Variants in ACOT7 observed in about 807,000 individuals in gnomAD.
The protein encoded by ACOT7 is cytosolic acyl coenzyme A thioester hydrolase.
A neutral mutation model predicts 40.2 loss-of-function variants in ACOT7; 12 were observed. The ratio of observed to expected loss-of-function variants is 0.30; its 90% CI spans 0.19 to 0.48. The LOEUF is 0.48. ACOT7 is among the 20% of genes least tolerant of loss of function. ACOT7 has a pLI of 0.99. For synonymous variants in ACOT7, 228 were observed against 219.5 expected, an observed-to-expected ratio of 1.04 and a Z score of -0.34; for missense variants, 395 against 530.8, an observed-to-expected ratio of 0.74 and a Z score of 2.51.
rs905654622 is a variant in ACOT7, at chr1:6,338,482, C to T, written c.418+951G>A. Among the ~76,000 whole-genome samples, 3 of 152,216 alleles carry T rather than the reference C, an allele frequency of 2.0e-5. No homozygotes were observed. The highest frequency in any genetic ancestry group is 7.2e-5 in the African/African-American group (3 of 41,458). ...CTGAGGGAGCAGCAGGCAATGGGAA[C>T]GCAGACCACCTTCCACCCCAGGCCC... On this transcript the variant is annotated intron_variant, in intron 3 of 8. Transcript: ENST00000361521. This position sits in a 1 kb window ranked among gnomAD's most constrained non-coding sequence, Gnocchi z 4.4.
At chr1:6,276,993 C>T (rs879723631) in intron 8 of ACOT7, among the ~76,000 whole-genome samples, 5 of 152,046 alleles carry the variant, frequency 3.3e-5, no homozygotes, top group Non-Finnish European at 4.4e-5. Flanking sequence ...TCTGACCACC[C>T]CCCCCCAGGG....
At chr1:6,363,715 T>A (rs1335071734) in intron 1 of ACOT7, among the ~76,000 whole-genome samples, 1 of 152,060 alleles carries the variant, frequency 6.6e-6, no homozygotes, top group Non-Finnish European at 1.5e-5. Flanking sequence ...TGATTCACAC[T>A]CTTTACCCCT....
Position 6,299,707 on chromosome 1 carries a change from G to A in ACOT7, c.713-4727C>T, listed in dbSNP as rs758057668. Among the ~76,000 whole-genome samples, 42 of 152,128 alleles carry A rather than the reference G, an allele frequency of 2.8e-4. No homozygotes were observed. The highest frequency in any genetic ancestry group is 5.4e-4 in the Non-Finnish European group (37 of 68,004). On this transcript the variant is annotated intron_variant, in intron 6 of 8. Transcript: ENST00000361521. The surrounding 1 kb of genome is among the most constrained non-coding windows in gnomAD (Gnocchi z 4.1). Reference sequence around the variant, plus strand: ...GTGTGTGTGTAGGGCACGTGTGTGCGTGTGTTTAAGGGGCTTAGTAGCGGC... The same window carrying A: ...GTGTGTGTGTAGGGCACGTGTGTGCATGTGTTTAAGGGGCTTAGTAGCGGC...
At chr1:6,295,071 C>A in intron 6 of ACOT7, 91 bp from the exon 7 acceptor site, 1 of 982,476 alleles carries the variant, frequency 1.0e-6, no homozygotes, top group South Asian at 1.5e-5. Context: ...GAGCCCTCCC[C>A]TCCCACTAGC....
rs564367283 is a variant in ACOT7, at chr1:6,358,898, A to G, written c.144-9032T>C. On this transcript the variant is annotated intron_variant, in intron 1 of 8. Coordinates refer to ENST00000361521, the MANE Select transcript of ACOT7 (RefSeq NM_007274.4). This position sits in a 1 kb window ranked among gnomAD's most constrained non-coding sequence, Gnocchi z 4.1. ...GCAGAGAAAGGCGAGGGAGCAGGGAAGCATCACAGAGTCCTTGCCTGACCC... is the reference window on the plus strand; with the variant it reads ...GCAGAGAAAGGCGAGGGAGCAGGGAGGCATCACAGAGTCCTTGCCTGACCC... 13 of 1,608,502 alleles carry G rather than the reference A, an allele frequency of 8.1e-6. No individual in the cohort carries two copies. The East Asian group carries it at 2.5e-4, about 31-fold the overall frequency.
At chr1:6,364,946 C>T (rs1462897495) in intron 1 of ACOT7, among the ~76,000 whole-genome samples, 2 of 151,740 alleles carry the variant, frequency 1.3e-5, no homozygotes, top group South Asian at 2.1e-4. Flanking sequence ...TCGCTTAAAC[C>T]CGGGAGGCAG....
intron 2 of ACOT7, among the ~76,000 whole-genome samples, chr1:6,346,258 C>A (rs1641418085): frequency 6.6e-6 from 1 of 152,234 alleles, no homozygotes; most frequent in African/African-American, 2.4e-5. Flanking sequence ...CAGGCCACCA[C>A]ACCTGGCTAA....
intron 1 of ACOT7, among the ~76,000 whole-genome samples, chr1:6,375,587 T>C (rs1371704852): frequency 6.6e-6 from 1 of 151,750 alleles, no homozygotes; most frequent in Non-Finnish European, 1.5e-5. Context: ...AAGGATCGCT[T>C]GAACCCAGGA....
At chr1:6,369,018 G>C (rs905126379) in intron 1 of ACOT7, among the ~76,000 whole-genome samples, 4 of 151,518 alleles carry the variant, frequency 2.6e-5, no homozygotes, top group African/African-American at 9.7e-5. Flanking sequence ...TTTTTGCTCT[G>C]TTGCCCAGGC....
At chr1:6,384,680 C>T (rs1007367328) in intron 1 of ACOT7, among the ~76,000 whole-genome samples, 2 of 151,722 alleles carry the variant, frequency 1.3e-5, no homozygotes, top group African/African-American at 4.8e-5. Context: ...CCTCCCTTGG[C>T]CTTTCTGGAG....
rs1438308204 is a variant in ACOT7, at chr1:6,288,658, TG to T, written c.829+6205del. Among the ~76,000 whole-genome samples the T allele has an allele frequency of 6.6e-6, 1 of 152,110 alleles. No homozygotes were observed. Among genetic ancestry groups the T allele is most frequent in the East Asian group, 1.9e-4 (1 of 5,180 alleles). ...TGGCCCTCTGTGGTCTAGGCAAGTG[TG>T]GGGCATCCTGGAAGAGTCTGGTTCA... On this transcript the variant is annotated intron_variant, in intron 7 of 8. Transcript: ENST00000361521. The surrounding 1 kb of genome is among the most constrained non-coding windows in gnomAD (Gnocchi z 4.3).
intron 1 of ACOT7, among the ~76,000 whole-genome samples, chr1:6,384,367 GA>G (rs747838195): frequency 3.3e-5 from 5 of 151,890 alleles, no homozygotes; most frequent in African/African-American, 1.2e-4. Context: ...AACAAGTGCT[GA>G]CAAGGATATG....
chr1:6,336,901 C>A (rs961632447), intron 3 of ACOT7, among the ~76,000 whole-genome samples: 2 of 152,186 alleles, frequency 1.3e-5, no homozygotes, highest in African/African-American at 4.8e-5. Flanking sequence ...GGAGATGAGA[C>A]TCGCAGTCAC....
Position 6,363,068 on chromosome 1 carries a change from A to G in ACOT7, c.144-13202T>C, listed in dbSNP as rs184244394. On this transcript the variant is annotated intron_variant, in intron 1 of 8. Coordinates refer to ENST00000361521, the MANE Select transcript of ACOT7 (RefSeq NM_007274.4). ...TATATATGAATATCATTAATCATTA[A>G]TTTGTAGCAATTACTCTTTATTCCA... Among the ~76,000 whole-genome samples the G allele has an allele frequency of 2.1e-3, 313 of 152,342 alleles. 2 individuals are homozygous for G. Among genetic ancestry groups the G allele is most frequent in the Middle Eastern group, 0.014 (4 of 294 alleles).
chr1:6,336,333 CAAAAAAAAA>C (rs3029068), intron 3 of ACOT7, among the ~76,000 whole-genome samples: 135 of 52,778 alleles, frequency 2.6e-3, no homozygotes, highest in African/African-American at 0.01. Context: ...GACTCGGTCT[CAAAAAAAAA>C]AAAAAAAAAA....
intron 7 of ACOT7, among the ~76,000 whole-genome samples, chr1:6,286,472 G>T (rs1393463905): frequency 3.3e-5 from 5 of 152,180 alleles, no homozygotes; most frequent in Admixed American, 3.3e-4. Context: ...ACCTGTCAAG[G>T]CCAGTCTCCG....
rs565731155 is a variant in ACOT7 at position 6,387,963 on chromosome 1, G to A, written c.143+5294C>T. On this transcript the variant is annotated intron_variant, in intron 1 of 8. Coordinates refer to ENST00000361521, the MANE Select transcript of ACOT7 (RefSeq NM_007274.4). The stretch of plus-strand genomic sequence containing the variant: ...TTTTTTTTTTCTTTTTTTTTGAGAC[G>A]GAGTTTTGCTCTTGTTGCTCAGGCT... Among the ~76,000 whole-genome samples, 7 of 147,194 alleles carry A rather than the reference G, an allele frequency of 4.8e-5. No homozygotes were observed. The South Asian group carries it at 8.5e-4, about 18-fold the overall frequency.
At chr1:6,380,452 T>C (rs891017759) in intron 1 of ACOT7, among the ~76,000 whole-genome samples, 2 of 150,740 alleles carry the variant, frequency 1.3e-5, no homozygotes, top group African/African-American at 2.4e-5. Context: ...ATACAAAAAT[T>C]AGCCAGGCAT....
intron 5 of ACOT7, among the ~76,000 whole-genome samples, chr1:6,326,162 G>A (rs1318596853): frequency 6.6e-6 from 1 of 152,184 alleles, no homozygotes; most frequent in Non-Finnish European, 1.5e-5. Context: ...ATCGCAGGGA[G>A]GCAGAGAAGC....
Sources: allele counts gnomAD v4.1 joint callset (sites outside exome capture counted in the v4.1 genomes callset), GRCh38; gene constraint gnomAD v4.1.1; non-coding constraint Gnocchi (gnomAD v3.1); transcripts MANE v1.5; gene names NCBI Gene and HGNC (gene_info 2026-07-23, HGNC 2026-07-21).